GPR137B: variants seen among roughly 807,000 people sequenced by gnomAD.
The protein encoded by GPR137B is integral membrane protein GPR137B.
A neutral mutation model predicts 42.5 loss-of-function variants in GPR137B; 42 were observed. That is an observed-to-expected ratio of 0.99 (90% CI 0.77 to 1.28). GPR137B has a LOEUF of 1.28. Ranked by LOEUF, GPR137B falls within the 50% of genes most tolerant of loss-of-function variation. GPR137B has a pLI of 0.00. For missense variants in GPR137B, 487 were observed against 493.9 expected (o/e 0.99, Z 0.13); for synonymous variants, 218 against 209.7 (o/e 1.04, Z -0.34).
intron 1 of GPR137B, among the ~76,000 whole-genome samples, chr1:236,153,085 AAC>A (rs1254399886): frequency 1.5e-4 from 23 of 151,998 alleles, no homozygotes; most frequent in Admixed American, 1.5e-3. Context: ...AACAAACAAA[AAC>A]AGACAAAAAA....
At position 236,179,980 on chromosome 1, in the gene GPR137B, C is replaced by T; in HGVS notation, c.789C>T (p.Asn263=). 6.2e-7 allele frequency: 1 copy of T among 1,613,618 alleles called. No individual in the cohort carries two copies. The highest frequency in any genetic ancestry group is 2.2e-5 in the East Asian group (1 of 44,882). The change falls in exon 4 of 7, where the codon AAC becomes AAT. Residue 263 remains asparagine, a synonymous_variant. Transcript: ENST00000366592. ...YNLFILSFSQ[N]KSVHSFDYDW... ...TGTTCATCCTGTCATTTTCTCAGAACAAGAGCGTCCATTCCTTTGATTATG... is the reference window on the plus strand; with the variant it reads ...TGTTCATCCTGTCATTTTCTCAGAATAAGAGCGTCCATTCCTTTGATTATG...
chr1:236,145,782 C>G (rs1480354984), intron 1 of GPR137B, among the ~76,000 whole-genome samples: 1 of 152,242 alleles, frequency 6.6e-6, no homozygotes, highest in Non-Finnish European at 1.5e-5. Context: ...ATGACTTGCT[C>G]AAGGTCACAC....
At chr1:236,203,985 T>C (rs577278248) in intron 5 of GPR137B, among the ~76,000 whole-genome samples, 21 of 152,340 alleles carry the variant, frequency 1.4e-4, no homozygotes, top group Admixed American at 4.6e-4. Context: ...GGTGACTGTG[T>C]GTTCCACATC....
At position 236,178,796 on chromosome 1, in the gene GPR137B, T is replaced by TTTTTG. The variant is rs1558488593; in HGVS notation, c.687+164_687+165insGTTTT. 3.7e-5 allele frequency among the ~76,000 whole-genome samples: 3 copies of TTTTTG among 81,568 alleles called. No homozygotes were observed. In the East Asian group the frequency reaches 1.1e-3, roughly 30 times the overall value. The allele number at this position is 81,568 out of a possible 152,430, so 53.5% of individuals were successfully genotyped here. ...AGGGGCTACTCGAGGTTTTTTTTTTTTTTTTTTTTTTTTTTTTTTGAGACG... is the reference window on the plus strand; with the variant it reads ...AGGGGCTACTCGAGGTTTTTTTTTTTTTTTGTTTTTTTTTTTTTTTTTTTGAGACG... On this transcript the variant is annotated intron_variant, in intron 3 of 6. Coordinates refer to ENST00000366592, the MANE Select transcript of GPR137B (RefSeq NM_003272.4).
intron 5 of GPR137B, among the ~76,000 whole-genome samples, chr1:236,197,957 G>C (rs1663387028): frequency 6.6e-6 from 1 of 152,164 alleles, no homozygotes; most frequent in African/African-American, 2.4e-5. Flanking sequence ...CTGACCTCAA[G>C]TGATCCACCC....
At chr1:236,187,273 C>T (rs9661437) in intron 5 of GPR137B, among the ~76,000 whole-genome samples, 50,101 of 151,604 alleles carry the variant, frequency 0.33, 8,784 homozygotes, top group East Asian at 0.6. Context: ...TTCTCCCATT[C>T]TGTAGGTTGC....
chr1:236,186,499 C>G (rs1342926733), intron 5 of GPR137B, among the ~76,000 whole-genome samples: 8 of 148,032 alleles, frequency 5.4e-5, no homozygotes, highest in Admixed American at 2.1e-4. Context: ...CTCCCCACCC[C>G]CCTACAGGCC....
At chr1:236,180,184 G>A in intron 4 of GPR137B, 156 bp downstream of exon 4, 1 of 605,878 alleles carries the variant, frequency 1.7e-6, no homozygotes, top group Non-Finnish European at 3.0e-6. Flanking sequence ...GCATCCTTCT[G>A]TATACTTTAA....
intron 1 of GPR137B, among the ~76,000 whole-genome samples, chr1:236,153,059 G>GAA (rs758448701): frequency 1.5e-5 from 2 of 132,172 alleles, no homozygotes; most frequent in East Asian, 2.1e-4. Flanking sequence ...CCATCTCGGG[G>GAA]AAAAAAAAAA....
chr1:236,195,147 A>G (rs1451713993), intron 5 of GPR137B, among the ~76,000 whole-genome samples: 1 of 152,136 alleles, frequency 6.6e-6, no homozygotes, highest in Admixed American at 6.5e-5. Context: ...TTTAAAATGT[A>G]CAGTTATTAT....
At chr1:236,153,134 A>G (rs1661917877) in intron 1 of GPR137B, among the ~76,000 whole-genome samples, 1 of 152,184 alleles carries the variant, frequency 6.6e-6, no homozygotes, top group South Asian at 2.1e-4. Flanking sequence ...CAAAATTGAC[A>G]CAATATGAAA....
chr1:236,180,697 C>T (rs1458909059), intron 4 of GPR137B, among the ~76,000 whole-genome samples: 2 of 149,346 alleles, frequency 1.3e-5, no homozygotes, highest in Non-Finnish European at 3.0e-5. Flanking sequence ...TGCAATGGCG[C>T]GACCTGCCTC....
chr1:236,168,113 G>T (rs1474996343), intron 1 of GPR137B, among the ~76,000 whole-genome samples: 1 of 150,818 alleles, frequency 6.6e-6, no homozygotes, highest in African/African-American at 2.5e-5. Flanking sequence ...AAAGAGAGTG[G>T]ACTGTTTGTT....
intron 2 of GPR137B, among the ~76,000 whole-genome samples, chr1:236,170,973 C>CA (rs780390422): frequency 0.017 from 1,378 of 82,788 alleles, 19 homozygotes; most frequent in African/African-American, 0.048. Flanking sequence ...GACTCTGTCT[C>CA]AAAAAAAAAA....
chr1:236,180,265 G>T, intron 4 of GPR137B: 1 of 401,588 alleles, frequency 2.5e-6, no homozygotes, highest in South Asian at 5.4e-5. Context: ...ATACTACATT[G>T]TTTGAAAATT....
intron 6 of GPR137B, chr1:236,207,062 C>T: frequency 1.4e-6 from 1 of 724,272 alleles, no homozygotes; most frequent in Non-Finnish European, 1.7e-6. Flanking sequence ...TGCCTTTTTA[C>T]TCCTTGTTAG....
intron 2 of GPR137B, among the ~76,000 whole-genome samples, chr1:236,173,255 C>T (rs1325366287): frequency 1.4e-5 from 2 of 147,658 alleles, no homozygotes; most frequent in East Asian, 4.1e-4. Flanking sequence ...TGCACTCCTG[C>T]TCTCCAGCCT....
intron 5 of GPR137B, among the ~76,000 whole-genome samples, chr1:236,195,818 A>G (rs1572005367): frequency 6.6e-6 from 1 of 152,128 alleles, no homozygotes; most frequent in Non-Finnish European, 1.5e-5. Flanking sequence ...GTAATATCTC[A>G]CTGTAGTTTT....
At chr1:236,191,997 G>A (rs1483842306) in intron 5 of GPR137B, among the ~76,000 whole-genome samples, 4 of 152,210 alleles carry the variant, frequency 2.6e-5, no homozygotes, top group Non-Finnish European at 1.5e-5. Flanking sequence ...GACTGGGGCT[G>A]CTGCCTTTTT....
Sources: gnomAD v4.1 joint callset for allele counts (sites outside exome capture counted in the v4.1 genomes callset) on GRCh38, gnomAD v4.1.1 for gene constraint, MANE v1.5 for transcripts, NCBI Gene and HGNC (gene_info 2026-07-23, HGNC 2026-07-21) for gene names.